The following CCSER1 variants were observed in gnomAD, a reference collection of about 807,000 sequenced individuals.
CCSER1 encodes serine-rich coiled-coil domain-containing protein 1.
Under a neutral mutation model 82.0 loss-of-function variants are expected in CCSER1, and 41 were observed. The observed-to-expected ratio is 0.50, with a 90% CI of 0.39 to 0.65. The LOEUF is 0.65. Among genes scored for constraint, CCSER1 ranks in the 30% least tolerant of loss-of-function variants. CCSER1 has a pLI of 0.00. For missense variants in CCSER1, 1,119 were observed against 1,064.2 expected, an observed-to-expected ratio of 1.05 and a Z score of -0.72; for synonymous variants, 414 against 383.9, an observed-to-expected ratio of 1.08 and a Z score of -0.92.
chr4:91,354,146 G>A (rs1470226491), intron 10 of CCSER1, among the ~76,000 whole-genome samples: 7 of 152,258 alleles, frequency 4.6e-5, no homozygotes, highest in Admixed American at 1.3e-4. Flanking sequence ...GCTTGTAACC[G>A]TATGATTCAG....
At chr4:91,023,680 T>C (rs960994711) in intron 9 of CCSER1, among the ~76,000 whole-genome samples, 1 of 152,152 alleles carries the variant, frequency 6.6e-6, no homozygotes, top group Admixed American at 6.5e-5. Flanking sequence ...AAGACTTAAA[T>C]GTTAGACCTA....
intron 10 of CCSER1, among the ~76,000 whole-genome samples, chr4:91,180,814 A>G (rs1733948394): frequency 1.3e-5 from 2 of 152,260 alleles, no homozygotes; most frequent in African/African-American, 2.4e-5. Flanking sequence ...AGAGCCCCTA[A>G]CAGGGATTTA....
intron 7 of CCSER1, among the ~76,000 whole-genome samples, chr4:90,809,687 A>ATAAT (rs1757996691): frequency 6.6e-6 from 1 of 151,940 alleles, no homozygotes. Flanking sequence ...TATAGAAATA[A>ATAAT]TAATAACAAA....
intron 10 of CCSER1, among the ~76,000 whole-genome samples, chr4:91,501,965 G>T (rs1385501945): frequency 6.6e-6 from 1 of 152,060 alleles, no homozygotes; most frequent in Admixed American, 6.6e-5. Flanking sequence ...GATTTACCTG[G>T]GTTGTCCATT....
chr4:91,348,399 C>T (rs1002756539), intron 10 of CCSER1, among the ~76,000 whole-genome samples: 1 of 152,132 alleles, frequency 6.6e-6, no homozygotes, highest in African/African-American at 2.4e-5. Context: ...AGGATTTATG[C>T]ATCTATGTTC....
intron 10 of CCSER1, among the ~76,000 whole-genome samples, chr4:91,317,190 A>T (rs1261740322): frequency 6.6e-6 from 1 of 151,944 alleles, no homozygotes; most frequent in Non-Finnish European, 1.5e-5. Context: ...AAATTAAATT[A>T]AAAAAAGATA....
chr4:90,901,656 A>G (rs980690685), intron 8 of CCSER1, among the ~76,000 whole-genome samples: 20 of 151,994 alleles, frequency 1.3e-4, no homozygotes, highest in African/African-American at 4.8e-4. Flanking sequence ...GTCAGCTGTT[A>G]GTCTAATGGG....
At chr4:91,208,980 A>G (rs1736574817) in intron 10 of CCSER1, among the ~76,000 whole-genome samples, 1 of 151,606 alleles carries the variant, frequency 6.6e-6, no homozygotes, top group African/African-American at 2.4e-5. Context: ...TGGCAATTGT[A>G]ATGGAGTTGC....
At chr4:90,303,649 T>G (rs1197758941) in intron 1 of CCSER1, among the ~76,000 whole-genome samples, 2 of 151,824 alleles carry the variant, frequency 1.3e-5, no homozygotes, top group Admixed American at 6.6e-5. Flanking sequence ...CAAAAATCAA[T>G]TCAAGATGGA....
rs573965605 is a variant in CCSER1, at chr4:91,168,353, C to T, written c.2217+82359C>T. On this transcript the variant is annotated intron_variant, in intron 10 of 10. Coordinates refer to ENST00000509176, the MANE Select transcript of CCSER1 (RefSeq NM_001145065.2). ...ACCCCCTCTGGGAAGTGAGGAGCGC[C>T]TCTGCCCAGCCACCCCATCTGGGAT... Among the ~76,000 whole-genome samples the T allele has an allele frequency of 4.1e-5, 6 of 147,712 alleles. No homozygotes were observed. In the East Asian group the frequency reaches 1.2e-3, roughly 31 times the overall value.
intron 3 of CCSER1, among the ~76,000 whole-genome samples, chr4:90,377,210 A>G (rs1748474554): frequency 6.6e-6 from 1 of 152,212 alleles, no homozygotes; most frequent in African/African-American, 2.4e-5. Flanking sequence ...AAAATTTCAG[A>G]CACTGCACAC....
intron 1 of CCSER1, among the ~76,000 whole-genome samples, chr4:90,169,880 T>TAG (rs1731299401): frequency 6.6e-6 from 1 of 151,934 alleles, no homozygotes; most frequent in South Asian, 2.1e-4. Flanking sequence ...GCATAAACCT[T>TAG]TTCATGCCAT....
intron 10 of CCSER1, among the ~76,000 whole-genome samples, chr4:91,300,921 G>GT (rs1744615283): frequency 6.6e-6 from 1 of 151,894 alleles, no homozygotes; most frequent in Non-Finnish European, 1.5e-5. Flanking sequence ...TGTAAAGGTA[G>GT]TTTTTAAAGG....
Position 90,827,111 on chromosome 4 carries a change from CTTGAATTAA to C in CCSER1, c.2094+11267_2094+11275del, listed in dbSNP as rs143504026. 9.0e-3 allele frequency among the ~76,000 whole-genome samples: 1,365 copies of C among 152,306 alleles called. 20 individuals carry two copies. Among genetic ancestry groups the C allele is most frequent in the African/African-American group, 0.031 (1,279 of 41,578 alleles). On this transcript the variant is annotated intron_variant, in intron 8 of 10. Transcript: ENST00000509176. Reference sequence around the variant, plus strand: ...CTGGAAAGTCACAGATAGAAGGCTACTTGAATTAAGGTGTTGAGCATTAAAAGCAAGGGG... The same window carrying C: ...CTGGAAAGTCACAGATAGAAGGCTACGGTGTTGAGCATTAAAAGCAAGGGG...
chr4:90,296,021 T>A (rs921995568), intron 1 of CCSER1, among the ~76,000 whole-genome samples: 2 of 152,072 alleles, frequency 1.3e-5, no homozygotes, highest in African/African-American at 4.8e-5. Flanking sequence ...AAACAACTGC[T>A]CTTTACTAAT....
chr4:90,220,583 C>G (rs1741965592), intron 1 of CCSER1, among the ~76,000 whole-genome samples: 1 of 152,170 alleles, frequency 6.6e-6, no homozygotes, highest in East Asian at 1.9e-4. Flanking sequence ...AAGTGCATAT[C>G]CTCTCTGAAA....
chr4:91,574,045 T>C (rs1364586177), intron 10 of CCSER1, among the ~76,000 whole-genome samples: 1 of 152,048 alleles, frequency 6.6e-6, no homozygotes, highest in East Asian at 1.9e-4. Context: ...ATTGTTCCAT[T>C]GATTGGAATA....
At chr4:90,674,894 A>G (rs1054992819) in intron 6 of CCSER1, among the ~76,000 whole-genome samples, 1 of 151,896 alleles carries the variant, frequency 6.6e-6, no homozygotes, top group Non-Finnish European at 1.5e-5. Context: ...CTGACCCAGG[A>G]GGAAAGTAGA....
intron 6 of CCSER1, among the ~76,000 whole-genome samples, chr4:90,704,213 T>A (rs2149291879): frequency 6.6e-6 from 1 of 152,338 alleles, no homozygotes; most frequent in South Asian, 2.1e-4. Flanking sequence ...TAAAGGATTT[T>A]ATTTCTCCTT....
Sources: gnomAD v4.1 joint callset for allele counts (sites outside exome capture counted in the v4.1 genomes callset) on GRCh38, gnomAD v4.1.1 for gene constraint, MANE v1.5 for transcripts, NCBI Gene and HGNC (gene_info 2026-07-23, HGNC 2026-07-21) for gene names.